HTATSF1: variants seen among roughly 807,000 people sequenced by gnomAD.
HTATSF1 encodes the protein HIV-1 Tat specific factor 1, also known as 17S U2 SnRNP complex component HTATSF1.
HTATSF1 carries 6 observed loss-of-function variants against 46.1 expected under a neutral mutation model. That is an observed-to-expected ratio of 0.13 (90% CI 0.07 to 0.26). HTATSF1 has a LOEUF of 0.26. HTATSF1 is among the 10% of genes least tolerant of loss of function. The probability of loss-of-function intolerance (pLI) is 1.00; values close to 1 mark genes in which losing one functional copy is unlikely to be tolerated. For synonymous variants in HTATSF1, 226 were observed against 211.5 expected (o/e 1.07, Z -0.60); for missense variants, 452 against 559.9 (o/e 0.81, Z 1.94).
At chrX:136,507,384 G>C (rs1195885286) in intron 6 of HTATSF1, among the ~76,000 whole-genome samples, 3 of 111,260 alleles carry the variant, frequency 2.7e-5, no homozygotes. Context: ...TTGAATACCA[G>C]GACATGAAGA....
At position 136,511,925 on chromosome X, in the gene HTATSF1, T is replaced by C. The variant is rs760998517; in HGVS notation, c.2180T>C (p.Leu727Ser). Reference sequence around the variant, plus strand: ...GACGATTCTGATGAGAGGGGGACTTTGGGTGGTTTTGGGAGTGTTGAAGAA... The same window carrying C: ...GACGATTCTGATGAGAGGGGGACTTCGGGTGGTTTTGGGAGTGTTGAAGAA... ...LFDDSDERGTLGGFGSVEEGP... is the reference protein window; with the variant it reads ...LFDDSDERGTSGGFGSVEEGP... The change falls in exon 9 of 9, where the codon TTG becomes TCG. Residue 727 changes from leucine to serine, a missense_variant. Physicochemically the swap from Leu to Ser is moderately radical, Grantham distance 145 (BLOSUM62 -2). Coordinates refer to ENST00000218364, the MANE Select transcript of HTATSF1 (RefSeq NM_014500.5). The C allele has an allele frequency of 3.3e-6, 4 of 1,209,324 alleles. No individual in the cohort carries two copies. Among genetic ancestry groups the C allele is most frequent in the Admixed American group, 4.4e-5 (2 of 45,726 alleles).
chrX:136,505,257 AGTT>A (rs1481042083), intron 6 of HTATSF1, among the ~76,000 whole-genome samples: 1 of 112,209 alleles, frequency 8.9e-6, no homozygotes, highest in Admixed American at 9.4e-5. Flanking sequence ...CCAATAATCT[AGTT>A]GTAAATTAGT....
At position 136,500,216 on chromosome X, in the gene HTATSF1, CT is replaced by C; in HGVS notation, c.415+16del. The C allele has an allele frequency of 1.9e-6, 2 of 1,045,602 alleles. No homozygotes were observed. The highest frequency in any genetic ancestry group is 2.4e-5 in the Admixed American group (1 of 42,297). 86.2% of individuals were successfully genotyped at this position (1,045,602 alleles called of 1,213,427 possible). On this transcript the variant is annotated intron_variant, in intron 3 of 8. Transcript: ENST00000218364. ...ATGTATACGTGTCTGGTATGTATAA[CT>C]TTTTAAACAGGTTTAAGGTAGGAAA...
chrX:136,497,554 C>T (rs1410701599), upstream of HTATSF1: 7 of 468,672 alleles, frequency 1.5e-5, no homozygotes, highest in Non-Finnish European at 2.0e-5. Flanking sequence ...TGCTGGGGCG[C>T]AGCGGGGAGG....
intron 5 of HTATSF1, among the ~76,000 whole-genome samples, chrX:136,503,340 GTATTTACTGTAGTTGTATGTAGTATA>G (rs1366684772): frequency 8.9e-6 from 1 of 111,983 alleles, no homozygotes; most frequent in African/African-American, 3.2e-5. Flanking sequence ...TTTTATAATT[GTATTTACTGTAGTTGTATGTAGTATA>G]TACATAATGT....
At chrX:136,506,589 G>A (rs138567334) in intron 6 of HTATSF1, among the ~76,000 whole-genome samples, 3 of 112,572 alleles carry the variant, frequency 2.7e-5, no homozygotes, top group Non-Finnish European at 5.6e-5. Context: ...TTCAGCCAGT[G>A]GATAAAACAT....
chrX:136,499,215 A>G (rs1162480759), intron 1 of HTATSF1, among the ~76,000 whole-genome samples: 1 of 112,553 alleles, frequency 8.9e-6, no homozygotes, highest in East Asian at 2.8e-4. Flanking sequence ...TTATTCATTG[A>G]CTGTTGGTTT....
chrX:136,498,303 T>C (rs918987512), intron 1 of HTATSF1, among the ~76,000 whole-genome samples: 2 of 112,122 alleles, frequency 1.8e-5, no homozygotes, highest in Non-Finnish European at 3.8e-5. Flanking sequence ...GCTTTACTAA[T>C]TGAACTTTCT....
At chrX:136,501,656 A>G (rs1413255412) in intron 4 of HTATSF1, among the ~76,000 whole-genome samples, 2 of 112,351 alleles carry the variant, frequency 1.8e-5, no homozygotes, top group Non-Finnish European at 3.8e-5. Flanking sequence ...TAAAGTCAAA[A>G]TGGTAAAGCA....
At chrX:136,500,090 G>A (rs2075711153) in intron 2 of HTATSF1, 68 bp from the exon 3 acceptor site, 2 of 733,737 alleles carry the variant, frequency 2.7e-6, no homozygotes, top group Non-Finnish European at 4.2e-6. Flanking sequence ...GCTTTGTCAA[G>A]ATTCCATAAT....
At chrX:136,501,045 GCTT>G (rs1292229613) in intron 4 of HTATSF1, among the ~76,000 whole-genome samples, 1 of 112,290 alleles carries the variant, frequency 8.9e-6, no homozygotes, top group East Asian at 2.8e-4. Context: ...CGACTGGAGT[GCTT>G]CTTCTGTCTT....
rs2075721015 is a variant in HTATSF1 at position 136,502,129 on chromosome X, C to T, written c.571-649C>T. 7.2e-5 allele frequency among the ~76,000 whole-genome samples: 8 copies of T among 111,096 alleles called. No individual in the cohort carries two copies. The Admixed American group carries it at 7.7e-4, about 11-fold the overall frequency. On this transcript the variant is annotated intron_variant, in intron 4 of 8. Coordinates refer to ENST00000218364, the MANE Select transcript of HTATSF1 (RefSeq NM_014500.5). ...TGTATAGGGCTGATAACTGTCCTTT[C>T]TCTAAGACCTGGAATCCATACATGT...
intron 8 of HTATSF1, 99 bp downstream of exon 8, chrX:136,510,318 T>C: frequency 1.6e-6 from 1 of 628,293 alleles, no homozygotes; most frequent in Non-Finnish European, 2.3e-6. Flanking sequence ...ACCTATTTAA[T>C]GTAACAATGC....
At chrX:136,497,346 C>CGGCGGCGGCGGG (rs1230180005), upstream of HTATSF1, 4 of 115,498 alleles carry the variant, frequency 3.5e-5, no homozygotes, top group East Asian at 1.1e-3. Flanking sequence ...ATCCGGTCGG[C>CGGCGGCGGCGGG]GGCGGCGGCG....
intron 6 of HTATSF1, among the ~76,000 whole-genome samples, chrX:136,506,000 A>G (rs2075740561): frequency 8.9e-6 from 1 of 112,020 alleles, no homozygotes; most frequent in African/African-American, 3.2e-5. Context: ...CACACATTTC[A>G]TACTCCTGCC....
intron 7 of HTATSF1, among the ~76,000 whole-genome samples, chrX:136,509,574 G>C: frequency 8.9e-6 from 1 of 111,949 alleles, no homozygotes; most frequent in East Asian, 2.8e-4. Context: ...TTTACTTCCA[G>C]AATTGACACC....
intron 6 of HTATSF1, among the ~76,000 whole-genome samples, chrX:136,505,347 A>G (rs1353937926): frequency 8.9e-6 from 1 of 111,803 alleles, no homozygotes; most frequent in African/African-American, 3.3e-5. Context: ...GAGGGCCCCA[A>G]AATGGACAGT....
intron 5 of HTATSF1, 82 bp downstream of exon 5, chrX:136,503,023 C>A: frequency 3.4e-6 from 2 of 595,961 alleles, no homozygotes; most frequent in Non-Finnish European, 4.9e-6. Context: ...TTTATTCTGT[C>A]AAGTGTGCCT....
At position 136,499,669 on chromosome X, in the gene HTATSF1, C is replaced by T. The variant is rs764815102; in HGVS notation, c.258C>T (p.Thr86=). 29 of 1,199,557 alleles carry T rather than the reference C, an allele frequency of 2.4e-5. No individual in the cohort carries two copies. In the South Asian group the frequency reaches 4.7e-4, roughly 20 times the overall value. The change falls in exon 2 of 9, where the codon ACC becomes ACT. Residue 86 remains threonine (T), a synonymous_variant. Coordinates refer to ENST00000218364, the MANE Select transcript of HTATSF1 (RefSeq NM_014500.5). ...GFSNDGASSS[T]ANVEDVHART... ...CTAACGATGGCGCATCTAGTTCTAC[C>T]GCAAATGTTGAAGATGTCCATGCTA... is the stretch of plus-strand genomic sequence containing the variant.
Sources: allele counts gnomAD v4.1 joint callset (sites outside exome capture counted in the v4.1 genomes callset), GRCh38; gene constraint gnomAD v4.1.1; transcripts MANE v1.5; gene names NCBI Gene and HGNC (gene_info 2026-07-23, HGNC 2026-07-21).